ITSN2: variants seen among roughly 807,000 people sequenced by gnomAD.
ITSN2 encodes the protein intersectin-2.
In ITSN2, 156 loss-of-function variants were observed where a neutral mutation model predicts 243.7. The observed-to-expected ratio is 0.64, with a 90% CI of 0.56 to 0.73. The LOEUF (loss-of-function observed/expected upper bound fraction) is 0.73. Ranked by LOEUF, ITSN2 falls within the 30% of genes least tolerant of loss-of-function variation. ITSN2 has a pLI of 0.00. For synonymous variants in ITSN2, 703 were observed against 699.9 expected (o/e 1.00, Z -0.07); for missense variants, 1,801 against 1,996.1 (o/e 0.90, Z 1.86).
At chr2:24,294,646 T>C (rs1680708963) in intron 14 of ITSN2, among the ~76,000 whole-genome samples, 1 of 152,080 alleles carries the variant, frequency 6.6e-6, no homozygotes, top group Non-Finnish European at 1.5e-5. Context: ...AGGAAGAGAA[T>C]TACCAGGACC....
upstream of ITSN2, among the ~76,000 whole-genome samples, chr2:24,361,133 G>T (rs1688970143): frequency 6.6e-6 from 1 of 152,038 alleles, no homozygotes; most frequent in South Asian, 2.1e-4. Context: ...CACGCGGAGC[G>T]CCCACGAGGA....
At chr2:24,350,724 G>GT (rs1258814541) in intron 1 of ITSN2, among the ~76,000 whole-genome samples, 1 of 152,106 alleles carries the variant, frequency 6.6e-6, no homozygotes, top group East Asian at 1.9e-4. Flanking sequence ...AAACACTATG[G>GT]TAAGTAAAAG....
At chr2:24,221,909 C>A (rs569629727) in intron 29 of ITSN2, among the ~76,000 whole-genome samples, 10 of 152,180 alleles carry the variant, frequency 6.6e-5, no homozygotes, top group Non-Finnish European at 1.3e-4. Context: ...CTTGCCTATA[C>A]ACAGTGATGT....
intron 29 of ITSN2, 114 bp from the exon 30 acceptor site, chr2:24,221,180 C>A: frequency 1.7e-6 from 2 of 1,194,272 alleles, no homozygotes; most frequent in Middle Eastern, 2.8e-4. Flanking sequence ...AATGACGCAG[C>A]CTTAAAAAGG....
chr2:24,347,453 G>A (rs1209946669), intron 1 of ITSN2, among the ~76,000 whole-genome samples: 1 of 152,198 alleles, frequency 6.6e-6, no homozygotes, highest in East Asian at 1.9e-4. Flanking sequence ...TTGGGAGGCT[G>A]AAGCAGGTGG....
At chr2:24,354,150 A>T (rs1688251437) in intron 1 of ITSN2, among the ~76,000 whole-genome samples, 1 of 152,232 alleles carries the variant, frequency 6.6e-6, no homozygotes. Context: ...TGGTTACCTC[A>T]TTATCACTGA....
chr2:24,220,487 T>C, intron 30 of ITSN2: 1 of 995,228 alleles, frequency 1.0e-6, no homozygotes, highest in South Asian at 4.7e-5. Context: ...TTTTCCAAAC[T>C]GATACAACCA....
intron 19 of ITSN2, 42 bp from the exon 20 acceptor site, chr2:24,270,810 T>C (rs1295591014): frequency 3.9e-6 from 4 of 1,033,832 alleles, no homozygotes; most frequent in Admixed American, 2.1e-5. Context: ...CTTACATGTA[T>C]ACATCTTTGC....
chr2:24,337,341 T>TATATATATATATATATATAC (rs1686549540), intron 1 of ITSN2, among the ~76,000 whole-genome samples: 3 of 117,262 alleles, frequency 2.6e-5, no homozygotes, highest in Non-Finnish European at 3.5e-5. Context: ...TATATATATA[T>TATATATATATATATATATAC]ATATATATAT....
intron 11 of ITSN2, 28 bp from the exon 12 acceptor site, chr2:24,300,199 A>G (rs563162805): frequency 6.2e-7 from 1 of 1,610,518 alleles, no homozygotes; most frequent in Non-Finnish European, 8.5e-7. Flanking sequence ...ATCAGCATCC[A>G]CACACATTAA....
intron 37 of ITSN2, among the ~76,000 whole-genome samples, chr2:24,206,765 TGA>T (rs1460531190): frequency 6.6e-6 from 1 of 151,978 alleles, no homozygotes; most frequent in East Asian, 1.9e-4. Flanking sequence ...AAGCAGGGAC[TGA>T]GAGGGCGCAA....
intron 29 of ITSN2, among the ~76,000 whole-genome samples, chr2:24,237,893 G>A (rs757232774): frequency 5.3e-5 from 8 of 152,120 alleles, no homozygotes; most frequent in Non-Finnish European, 1.0e-4. Flanking sequence ...CCAACATACA[G>A]CTGAGCTAGA....
At chr2:24,317,361 G>A (rs112211438) in intron 2 of ITSN2, among the ~76,000 whole-genome samples, 5 of 150,746 alleles carry the variant, frequency 3.3e-5, no homozygotes, top group South Asian at 2.1e-4. Flanking sequence ...TCCAGCCTGC[G>A]CCGACAAGGG....
chr2:24,296,592 T>G (rs1001259195), intron 13 of ITSN2, among the ~76,000 whole-genome samples: 2 of 151,942 alleles, frequency 1.3e-5, no homozygotes. Flanking sequence ...AAACACCATA[T>G]AAGGACACAA....
chr2:24,302,600 G>T (rs774242034), intron 9 of ITSN2, among the ~76,000 whole-genome samples: 4 of 152,164 alleles, frequency 2.6e-5, no homozygotes, highest in Non-Finnish European at 5.9e-5. Flanking sequence ...ACTATTGAAT[G>T]TAAGTATGTA....
rs1324285187 is a variant in ITSN2 at position 24,343,068 on chromosome 2, G to A, written c.-33-14953C>T. On this transcript the variant is annotated intron_variant, in intron 1 of 39. Coordinates refer to ENST00000355123, the MANE Select transcript of ITSN2 (RefSeq NM_006277.3). ...ATCGTGCCACTGTACTCCAGCCTGA[G>A]TAACAGAGTGAGACCCCATCTCAAA... 3.4e-5 allele frequency among the ~76,000 whole-genome samples: 5 copies of A among 147,766 alleles called. No individual in the cohort carries two copies. The Admixed American group carries it at 3.4e-4, about 10-fold the overall frequency.
intron 5 of ITSN2, among the ~76,000 whole-genome samples, chr2:24,311,333 TATCTTTAGAATTC>T (rs1159939741): frequency 6.6e-6 from 1 of 152,214 alleles, no homozygotes; most frequent in Admixed American, 6.5e-5. Context: ...ATTTAGTATT[TATCTTTAGAATTC>T]ACTAAAATAG....
At chr2:24,289,382 T>C (rs1679947380) in intron 15 of ITSN2, among the ~76,000 whole-genome samples, 2 of 152,200 alleles carry the variant, frequency 1.3e-5, no homozygotes, top group South Asian at 4.1e-4. Context: ...ATGAATAATA[T>C]TGTTTACTTG....
At chr2:24,224,708 A>G (rs1670852445) in intron 29 of ITSN2, among the ~76,000 whole-genome samples, 1 of 150,480 alleles carries the variant, frequency 6.6e-6, no homozygotes, top group Admixed American at 6.6e-5. Context: ...ATCTCGGCTC[A>G]CTACAACCTC....
Sources: allele counts gnomAD v4.1 joint callset (sites outside exome capture counted in the v4.1 genomes callset), GRCh38; gene constraint gnomAD v4.1.1; transcripts MANE v1.5; gene names NCBI Gene and HGNC (gene_info 2026-07-23, HGNC 2026-07-21).